RCOR1: variants seen among roughly 807,000 people sequenced by gnomAD.
The protein encoded by RCOR1 is REST corepressor 1.
In RCOR1, 12 loss-of-function variants were observed where a neutral mutation model predicts 64.0. The observed-to-expected ratio is 0.19, with a 90% CI of 0.12 to 0.30. The LOEUF (loss-of-function observed/expected upper bound fraction) is 0.30. RCOR1 is among the 10% of genes least tolerant of loss of function. RCOR1 has a pLI of 1.00. For missense variants in RCOR1, 502 were observed against 621.2 expected (o/e 0.81, Z 2.04); for synonymous variants, 279 against 227.2 (o/e 1.23, Z -2.05).
intron 2 of RCOR1, among the ~76,000 whole-genome samples, chr14:102,667,794 C>T (rs34965508): frequency 0.07 from 10,666 of 151,982 alleles, 583 homozygotes; most frequent in African/African-American, 0.15. Context: ...GACTTGCCAG[C>T]CATATTGCTG....
chr14:102,620,125 C>CA (rs1893844443), intron 2 of RCOR1, among the ~76,000 whole-genome samples: 1 of 152,100 alleles, frequency 6.6e-6, no homozygotes, highest in African/African-American at 2.4e-5. Flanking sequence ...TGCAGTGACT[C>CA]ACTTCTGTAA....
At chr14:102,723,483 G>C (rs1479420980) in intron 11 of RCOR1, among the ~76,000 whole-genome samples, 1 of 152,222 alleles carries the variant, frequency 6.6e-6, no homozygotes, top group Non-Finnish European at 1.5e-5. Context: ...GTTAGAATTA[G>C]ATTCTTTAGA....
chr14:102,620,243 A>ACCCC (rs1893846866), intron 2 of RCOR1, among the ~76,000 whole-genome samples: 1 of 151,652 alleles, frequency 6.6e-6, no homozygotes, highest in Non-Finnish European at 1.5e-5. Context: ...TTATACACAC[A>ACCCC]CACACACACC....
intron 2 of RCOR1, among the ~76,000 whole-genome samples, chr14:102,610,117 C>T (rs1321983154): frequency 4.1e-5 from 6 of 147,122 alleles, no homozygotes; most frequent in African/African-American, 1.5e-4. Context: ...GCAACAAGAG[C>T]GAAACTCCAT....
intron 2 of RCOR1, among the ~76,000 whole-genome samples, chr14:102,670,766 T>C (rs998214557): frequency 6.6e-6 from 1 of 150,440 alleles, no homozygotes; most frequent in Admixed American, 6.7e-5. Context: ...TATTTATTTA[T>C]TTTACTTATT....
chr14:102,707,822 C>A (rs1895885627), intron 5 of RCOR1, among the ~76,000 whole-genome samples: 1 of 150,822 alleles, frequency 6.6e-6, no homozygotes, highest in Non-Finnish European at 1.5e-5. Context: ...CGGAGTCTCG[C>A]TCTATCACCA....
chr14:102,645,525 C>T (rs988409041), intron 2 of RCOR1, among the ~76,000 whole-genome samples: 6 of 152,090 alleles, frequency 3.9e-5, no homozygotes, highest in African/African-American at 1.4e-4. Flanking sequence ...TAAGCTTTTC[C>T]TGATAGTTTC....
chr14:102,630,676 G>T (rs1894093424), intron 2 of RCOR1, among the ~76,000 whole-genome samples: 1 of 152,124 alleles, frequency 6.6e-6, no homozygotes, highest in Admixed American at 6.5e-5. Flanking sequence ...AAGGGTAGTG[G>T]GGACTGTCAC....
At chr14:102,661,866 C>T (rs979280354) in intron 2 of RCOR1, among the ~76,000 whole-genome samples, 1 of 152,126 alleles carries the variant, frequency 6.6e-6, no homozygotes, top group Non-Finnish European at 1.5e-5. Context: ...AAGGAGTTCA[C>T]CCACCTCAGC....
At chr14:102,638,341 A>G (rs1472970165) in intron 2 of RCOR1, among the ~76,000 whole-genome samples, 1 of 151,906 alleles carries the variant, frequency 6.6e-6, no homozygotes, top group Non-Finnish European at 1.5e-5. Context: ...AAGATACTAG[A>G]CCGTATTCTT....
At chr14:102,664,836 A>G (rs1251926905) in intron 2 of RCOR1, among the ~76,000 whole-genome samples, 1 of 152,212 alleles carries the variant, frequency 6.6e-6, no homozygotes, top group Non-Finnish European at 1.5e-5. Context: ...CATAATTGCT[A>G]TTATTTATGA....
In RCOR1 at chr14:102,688,127, C is replaced by T. The variant is rs190778301; in HGVS notation, c.445+6149C>T. ...GATTACATGCGTGTGCCACCACACCCGGCTAATTGTGTGTTTTTAGTAGAG... is the reference window on the plus strand; with the variant it reads ...GATTACATGCGTGTGCCACCACACCTGGCTAATTGTGTGTTTTTAGTAGAG... On this transcript the variant is annotated intron_variant, in intron 3 of 11. Transcript: ENST00000262241. 1.2e-3 allele frequency among the ~76,000 whole-genome samples: 185 copies of T among 152,202 alleles called. 2 individuals are homozygous for T. Among genetic ancestry groups the T allele is most frequent in the Admixed American group, 0.01 (153 of 15,286 alleles).
chr14:102,724,752 C>G lies in RCOR1; in HGVS notation c.1420-1716C>G, dbSNP rs546724521. Among the ~76,000 whole-genome samples the G allele has an allele frequency of 2.0e-5, 3 of 151,422 alleles. No individual in the cohort carries two copies. In the South Asian group the frequency reaches 6.2e-4, roughly 31 times the overall value. ...AAATTAATCTAGTGACCAGCTGCTT[C>G]TCTGTGTCCAAGGGCCTAAGGGAAC... On this transcript the variant is annotated intron_variant, in intron 11 of 11. Coordinates refer to ENST00000262241, the MANE Select transcript of RCOR1 (RefSeq NM_015156.4).
At chr14:102,683,859 C>T (rs1895356053) in intron 3 of RCOR1, among the ~76,000 whole-genome samples, 2 of 152,348 alleles carry the variant, frequency 1.3e-5, no homozygotes, top group African/African-American at 4.8e-5. Context: ...ACCCGGCCTG[C>T]TCCCCATACA....
chr14:102,626,534 T>C (rs898260435), intron 2 of RCOR1, among the ~76,000 whole-genome samples: 1 of 152,220 alleles, frequency 6.6e-6, no homozygotes, highest in Non-Finnish European at 1.5e-5. Context: ...ATTTATTTGT[T>C]GGCTCCCTCT....
chr14:102,704,652 G>A (rs905454333), intron 4 of RCOR1, among the ~76,000 whole-genome samples: 11 of 152,162 alleles, frequency 7.2e-5, no homozygotes, highest in African/African-American at 2.4e-4. Flanking sequence ...GGCTGGTCTC[G>A]AACTCCTGAC....
chr14:102,671,464 T>C (rs780713491), intron 2 of RCOR1, among the ~76,000 whole-genome samples: 24 of 152,108 alleles, frequency 1.6e-4, no homozygotes, highest in Non-Finnish European at 3.4e-4. Context: ...AGGGTGATCA[T>C]AGCTCACTAC....
At chr14:102,701,398 TTTC>T in intron 4 of RCOR1, 68 bp downstream of exon 4, 3 of 1,277,620 alleles carry the variant, frequency 2.3e-6, no homozygotes, top group South Asian at 3.2e-5. Context: ...ATTATATTTT[TTTC>T]TTCTTTGTAT....
intron 2 of RCOR1, among the ~76,000 whole-genome samples, chr14:102,607,188 C>G (rs2403067): frequency 0.62 from 94,586 of 151,398 alleles, 30,595 homozygotes; most frequent in South Asian, 0.72. Flanking sequence ...CTGCCTTGGC[C>G]TCCCAAAGTG....
Sources: gnomAD v4.1 joint callset for allele counts (sites outside exome capture counted in the v4.1 genomes callset) on GRCh38, gnomAD v4.1.1 for gene constraint, MANE v1.5 for transcripts, NCBI Gene and HGNC (gene_info 2026-07-23, HGNC 2026-07-21) for gene names.